Variants in DMXL1 observed in about 807,000 individuals in gnomAD.
The protein encoded by DMXL1 is dmX-like protein 1.
A neutral mutation model predicts 319.2 loss-of-function variants in DMXL1; 99 were observed. That is an observed-to-expected ratio of 0.31 (90% confidence interval 0.26 to 0.37). The LOEUF (loss-of-function observed/expected upper bound fraction) is 0.37. Among genes scored for constraint, DMXL1 ranks in the 10% least tolerant of loss-of-function variants. The pLI, the probability that DMXL1 is intolerant of heterozygous loss-of-function variation, is 1.00. For missense variants in DMXL1, 3,745 were observed against 3,595.6 expected, an observed-to-expected ratio of 1.04 and a Z score of -1.06; for synonymous variants, 1,385 against 1,235.2, an observed-to-expected ratio of 1.12 and a Z score of -2.54.
chr5:119,084,567 G>GA (rs1211254506), intron 1 of DMXL1, among the ~76,000 whole-genome samples: 2 of 151,970 alleles, frequency 1.3e-5, no homozygotes, highest in East Asian at 1.9e-4. Context: ...CACAGAAATG[G>GA]AAAAAACGAT....
intron 21 of DMXL1, among the ~76,000 whole-genome samples, 196 bp downstream of exon 21, chr5:119,165,476 A>G (rs1438458581): frequency 6.6e-6 from 1 of 152,228 alleles, no homozygotes; most frequent in Admixed American, 6.5e-5. Context: ...TGATGAGGTC[A>G]GTTTAATTTG....
Position 119,178,122 on chromosome 5 carries a change from A to G in DMXL1, c.7013A>G (p.His2338Arg), listed in dbSNP as rs1288691803. ...CTCTTCATCCATGGCCTGGCCACAC[A>G]TTCAAGTAATGAGCTATTTCGGATT... The part of the protein sequence containing the change: ...LSLFIHGLAT[H>R]SSNELFRIVA... Residue 2338 changes from histidine to arginine, a missense_variant, in exon 28 of 44, where the codon CAT becomes CGT. This residue lies in a region of DMXL1 where 1,382 missense variants were observed against 1,269.5 expected (regional missense o/e 1.09). Transcript: ENST00000539542. 1.2e-6 allele frequency: 2 copies of G among 1,613,848 alleles called. No individual in the cohort carries two copies. Among genetic ancestry groups the G allele is most frequent in the South Asian group, 1.1e-5 (1 of 91,084 alleles).
At chr5:119,072,340 T>C (rs1228420189) in intron 1 of DMXL1, among the ~76,000 whole-genome samples, 1 of 152,104 alleles carries the variant, frequency 6.6e-6, no homozygotes, top group Non-Finnish European at 1.5e-5. Context: ...TATAGTGGCA[T>C]TTTTCTACCT....
chr5:119,220,274 A>G (rs1009032822), intron 35 of DMXL1, among the ~76,000 whole-genome samples, 198 bp from the exon 36 acceptor site: 2 of 152,182 alleles, frequency 1.3e-5, no homozygotes, highest in Non-Finnish European at 2.9e-5. Context: ...CTGGCTTTCT[A>G]TTGGATGTAC....
chr5:119,082,020 T>TGTATATAC (rs1554082484), intron 1 of DMXL1, among the ~76,000 whole-genome samples: 1 of 108,164 alleles, frequency 9.2e-6, no homozygotes, highest in Admixed American at 9.7e-5. Context: ...TATATATATA[T>TGTATATAC]ACACACACAC....
chr5:119,201,597 A>G (rs12719254), intron 32 of DMXL1, among the ~76,000 whole-genome samples: 132,243 of 152,202 alleles, frequency 0.87, 57,573 homozygotes, highest in East Asian at 0.99. Context: ...ATTAGGTGTG[A>G]AGGAGTTCCA....
At chr5:119,139,957 G>A (rs1766932997) in intron 13 of DMXL1, among the ~76,000 whole-genome samples, 1 of 152,098 alleles carries the variant, frequency 6.6e-6, no homozygotes, top group African/African-American at 2.4e-5. Flanking sequence ...ATAGAAGTCA[G>A]GATTTAAAAA....
At chr5:119,217,115 A>C in intron 35 of DMXL1, 128 bp downstream of exon 35, 1 of 511,690 alleles carries the variant, frequency 2.0e-6, no homozygotes, top group Non-Finnish European at 3.4e-6. Context: ...CAATCTGGAT[A>C]CTTTTTTAAT....
intron 19 of DMXL1, among the ~76,000 whole-genome samples, chr5:119,154,257 T>C (rs1201073789): frequency 6.6e-6 from 1 of 152,236 alleles, no homozygotes; most frequent in Non-Finnish European, 1.5e-5. Flanking sequence ...TAGAAAGGAC[T>C]AAGCTTAGTA....
In DMXL1 at chr5:119,196,437, C is replaced by T. The variant is rs774495023; in HGVS notation, c.7524C>T (p.Phe2508=). 45 of 1,612,620 alleles carry T rather than the reference C, an allele frequency of 2.8e-5. No homozygotes were observed. Among genetic ancestry groups the T allele is most frequent in the Middle Eastern group, 1.6e-4 (1 of 6,084 alleles). The change falls in exon 31 of 44, where the codon TTC becomes TTT. Residue 2508 remains phenylalanine, a synonymous_variant. Coordinates refer to ENST00000539542, the MANE Select transcript of DMXL1 (RefSeq NM_001290321.3). Reference sequence around the variant, plus strand: ...ACAATTTGAAGACTTTTTATCCCTTCGCAGGTCATGATCTTGCAGGTAATA... The same window carrying T: ...ACAATTTGAAGACTTTTTATCCCTTTGCAGGTCATGATCTTGCAGGTAATA... The part of the protein sequence containing the change: ...VLNNLKTFYP[F]AGHDLAELPV...
rs760546265 is a variant in DMXL1, at chr5:119,071,520, C to T, written c.-50C>T. On this transcript the variant is annotated 5_prime_UTR_variant, in exon 1 of 44. Transcript: ENST00000539542. ...AAGGAGGGAGGGAAGCAGCCGCTGA[C>T]CCGTGGCATGAGCTGGATGCGGTGT... is the stretch of plus-strand genomic sequence containing the variant. 15 of 1,542,056 alleles carry T rather than the reference C, an allele frequency of 9.7e-6. No homozygotes were observed. In the East Asian group the frequency reaches 1.9e-4, roughly 20 times the overall value.
intron 1 of DMXL1, among the ~76,000 whole-genome samples, chr5:119,089,885 C>T (rs181234025): frequency 0.011 from 1,613 of 151,758 alleles, 20 homozygotes; most frequent in Middle Eastern, 0.048. Flanking sequence ...CTTGGCCTCC[C>T]GAAGTGCTGG....
chr5:119,071,397 T>A lies in DMXL1; in HGVS notation c.-173T>A, dbSNP rs1749512108. ...CCCTCCGGGCCTCGCCCTCCGGGGC[T>A]CGGGATGAGTCGCGGGCCCCAGCTG... On this transcript the variant is annotated 5_prime_UTR_variant, in exon 1 of 44. Transcript: ENST00000539542. 2.9e-5 allele frequency: 18 copies of A among 615,332 alleles called. No homozygotes were observed. In the South Asian group the frequency reaches 3.6e-4, roughly 12 times the overall value. The allele number at this position is 615,332 out of a possible 1,614,324, so 38.1% of individuals were successfully genotyped here.
At chr5:119,164,730 T>G in intron 20 of DMXL1, 54 bp downstream of exon 20, 2 of 1,482,950 alleles carry the variant, frequency 1.3e-6, no homozygotes, top group South Asian at 2.8e-5. Context: ...GACGTTTCTT[T>G]AAATGGCATT....
intron 28 of DMXL1, among the ~76,000 whole-genome samples, chr5:119,182,964 T>C (rs569456324): frequency 6.6e-6 from 1 of 152,300 alleles, no homozygotes; most frequent in Admixed American, 6.5e-5. Flanking sequence ...TTTTTAAGAA[T>C]TGTTATTGTG....
chr5:119,158,876 T>C (rs1485292561), intron 19 of DMXL1, among the ~76,000 whole-genome samples: 1 of 152,158 alleles, frequency 6.6e-6, no homozygotes. Flanking sequence ...TGCTGTTAAT[T>C]TGGTTTGCTG....
At position 119,166,658 on chromosome 5, in the gene DMXL1, T is replaced by C; in HGVS notation, c.5013T>C (p.Asn1671=). The C allele has an allele frequency of 6.2e-7, 1 of 1,610,802 alleles. No individual in the cohort carries two copies. Among genetic ancestry groups the C allele is most frequent in the Non-Finnish European group, 8.5e-7 (1 of 1,178,800 alleles). The change falls in exon 22 of 44, where the codon AAT becomes AAC. Residue 1671 remains asparagine, a synonymous_variant. Transcript: ENST00000539542. ...NTRMTQFFGH[N]FEDERWRKAA... ...GGATGACACAGTTTTTTGGACACAA[T>C]TTTGAGGATGAGAGGTGGCGTAAAG... is the stretch of plus-strand genomic sequence containing the variant.
In DMXL1 at chr5:119,179,181, G is replaced by C. The variant is rs374413716; in HGVS notation, c.7135+937G>C. Among the ~76,000 whole-genome samples, 58 of 151,810 alleles carry C rather than the reference G, an allele frequency of 3.8e-4. 1 individual carries two copies. The South Asian group carries it at 9.6e-3, about 25-fold the overall frequency. On this transcript the variant is annotated intron_variant, in intron 28 of 43. Transcript: ENST00000539542. ...ATTTTTTTCATGTATTAGCCCATGT[G>C]TGATAATCTTAGTTTTCCAATTATG...
intron 35 of DMXL1, 21 bp from the exon 36 acceptor site, chr5:119,220,451 A>G (rs1784458936): frequency 2.5e-6 from 4 of 1,609,694 alleles, no homozygotes; most frequent in Non-Finnish European, 3.4e-6. Flanking sequence ...TTTTAAAATT[A>G]CCATTTGACT....
Sources: gnomAD v4.1 joint callset for allele counts (sites outside exome capture counted in the v4.1 genomes callset) on GRCh38, gnomAD v4.1.1 for gene constraint, gnomAD v4.1.1 regional missense constraint, MANE v1.5 for transcripts, NCBI Gene and HGNC (gene_info 2026-07-23, HGNC 2026-07-21) for gene names.